The following MAP3K5 variants were observed in gnomAD, a reference collection of about 807,000 sequenced individuals.
The protein encoded by MAP3K5 is mitogen-activated protein kinase kinase kinase 5.
Under a neutral mutation model 158.7 loss-of-function variants are expected in MAP3K5, and 56 were observed. The ratio of observed to expected loss-of-function variants is 0.35; its 90% CI spans 0.28 to 0.44. MAP3K5 has a LOEUF of 0.44. MAP3K5 is among the 20% of genes least tolerant of loss of function. The pLI is 1.00. For missense variants in MAP3K5, 1,294 were observed against 1,674.8 expected (o/e 0.77, Z 3.97); for synonymous variants, 579 against 601.7 (o/e 0.96, Z 0.55).
chr6:136,704,606 T>C (rs1251029208), intron 3 of MAP3K5, among the ~76,000 whole-genome samples: 1 of 152,184 alleles, frequency 6.6e-6, no homozygotes, highest in Non-Finnish European at 1.5e-5. Context: ...AATGAAGTGG[T>C]ATGATCTTGG....
chr6:136,703,550 C>T (rs1234014898), intron 3 of MAP3K5, among the ~76,000 whole-genome samples: 2 of 152,286 alleles, frequency 1.3e-5, no homozygotes, highest in African/African-American at 2.4e-5. Context: ...TGGCGTGCAG[C>T]GCATGTCCAA....
At chr6:136,787,038 G>T (rs542219768) in intron 1 of MAP3K5, among the ~76,000 whole-genome samples, 1 of 152,024 alleles carries the variant, frequency 6.6e-6, no homozygotes, top group East Asian at 1.9e-4. Flanking sequence ...TGCTTACCCT[G>T]CCATTTCACT....
intron 18 of MAP3K5, 82 bp from the exon 19 acceptor site, chr6:136,605,448 CA>C: frequency 8.3e-7 from 1 of 1,198,768 alleles, no homozygotes; most frequent in Non-Finnish European, 1.2e-6. Context: ...CAGAATTTTT[CA>C]ACAGAAATGA....
At chr6:136,616,165 A>C (rs1163149809) in intron 15 of MAP3K5, among the ~76,000 whole-genome samples, 3 of 152,186 alleles carry the variant, frequency 2.0e-5, no homozygotes, top group Non-Finnish European at 2.9e-5. Context: ...TGCTTGAGTG[A>C]GATAACACCA....
chr6:136,784,375 A>G (rs1328425232), intron 1 of MAP3K5, among the ~76,000 whole-genome samples: 2 of 152,202 alleles, frequency 1.3e-5, no homozygotes, highest in African/African-American at 2.4e-5. Context: ...TTTTAAAAAA[A>G]TTATAGTTTT....
chr6:136,753,310 G>C lies in MAP3K5; in HGVS notation c.449-32721C>G, dbSNP rs776453910. Reference sequence around the variant, plus strand: ...TTTTCAAGTGAACACAGGAATTCCCGACTTTCTTTTACCACAAAAGTATAC... The same window carrying C: ...TTTTCAAGTGAACACAGGAATTCCCCACTTTCTTTTACCACAAAAGTATAC... On this transcript the variant is annotated intron_variant, in intron 1 of 29. Transcript: ENST00000359015. Among the ~76,000 whole-genome samples, 9 of 152,198 alleles carry C rather than the reference G, an allele frequency of 5.9e-5. No homozygotes were observed. The South Asian group carries it at 8.3e-4, about 14-fold the overall frequency.
At chr6:136,759,100 G>A (rs1298388176) in intron 1 of MAP3K5, among the ~76,000 whole-genome samples, 1 of 152,150 alleles carries the variant, frequency 6.6e-6, no homozygotes, top group East Asian at 1.9e-4. Flanking sequence ...GAACCTGGGA[G>A]GTGAAGGTTG....
At chr6:136,573,354 A>G (rs1001499949) in intron 25 of MAP3K5, among the ~76,000 whole-genome samples, 1 of 152,178 alleles carries the variant, frequency 6.6e-6, no homozygotes, top group African/African-American at 2.4e-5. Context: ...TTGGAGTCAG[A>G]CTGATTATAC....
intron 18 of MAP3K5, among the ~76,000 whole-genome samples, chr6:136,607,793 T>G (rs1776163970): frequency 6.6e-6 from 1 of 152,196 alleles, no homozygotes; most frequent in Admixed American, 6.5e-5. Context: ...TCTAGGCACT[T>G]AGAATACAGC....
At chr6:136,758,531 A>C (rs1783605365) in intron 1 of MAP3K5, among the ~76,000 whole-genome samples, 1 of 152,200 alleles carries the variant, frequency 6.6e-6, no homozygotes, top group East Asian at 1.9e-4. Context: ...CACCCCCTCA[A>C]CCACTTTCAA....
At chr6:136,597,788 C>T (rs906530537) in intron 21 of MAP3K5, among the ~76,000 whole-genome samples, 2 of 152,228 alleles carry the variant, frequency 1.3e-5, no homozygotes, top group Non-Finnish European at 2.9e-5. Context: ...ACTAAATAAA[C>T]CATCCTCACA....
intron 1 of MAP3K5, among the ~76,000 whole-genome samples, chr6:136,731,953 A>AAGTGGAG (rs1255106932): frequency 1.3e-5 from 2 of 152,222 alleles, no homozygotes; most frequent in Admixed American, 1.3e-4. Flanking sequence ...TTATTAGAAC[A>AAGTGGAG]AGTGGAGATT....
At chr6:136,677,528 T>C (rs1280633991) in intron 7 of MAP3K5, among the ~76,000 whole-genome samples, 2 of 152,150 alleles carry the variant, frequency 1.3e-5, no homozygotes, top group African/African-American at 4.8e-5. Context: ...GGCTTGCAAC[T>C]CCTGTTCATG....
intron 19 of MAP3K5, among the ~76,000 whole-genome samples, chr6:136,603,984 T>C (rs1775989583): frequency 6.6e-6 from 1 of 152,150 alleles, no homozygotes; most frequent in Admixed American, 6.5e-5. Context: ...GAATAAGAGC[T>C]AGAAACATGG....
Position 136,622,997 on chromosome 6 carries a change from CG to C in MAP3K5, c.2017-17del. The C allele has an allele frequency of 6.2e-7, 1 of 1,610,954 alleles. No homozygotes were observed. On this transcript the variant is annotated splice_polypyrimidine_tract_variant and intron_variant, in intron 14 of 29. Transcript: ENST00000359015. ...CATAGTCATACTACAAAAGGAAAAA[CG>C]GGGAGAAAAGATCAAAACATTAGTT...
intron 7 of MAP3K5, among the ~76,000 whole-genome samples, chr6:136,690,804 T>C (rs555300659): frequency 1.3e-5 from 2 of 152,328 alleles, no homozygotes; most frequent in South Asian, 2.1e-4. Context: ...TCCAGTGCTA[T>C]ATGCTTTTTC....
intron 11 of MAP3K5, among the ~76,000 whole-genome samples, chr6:136,648,195 G>A (rs940068287): frequency 1.3e-5 from 2 of 152,162 alleles, no homozygotes; most frequent in Non-Finnish European, 2.9e-5. Flanking sequence ...AGTATCACAA[G>A]TAACTTTTTC....
rs1006612270 is a variant in MAP3K5 at position 136,557,737 on chromosome 6, G to A, written c.*21C>T. ...TGTATTAATTTTTAGAATTTCCATC[G>A]AAGATTAGATTGAGCAACAGTCAAG... On this transcript the variant is annotated 3_prime_UTR_variant, in exon 30 of 30. Transcript: ENST00000359015. The A allele has an allele frequency of 6.3e-7, 1 of 1,588,476 alleles. No individual in the cohort carries two copies. Among genetic ancestry groups the A allele is most frequent in the Non-Finnish European group, 8.6e-7 (1 of 1,157,166 alleles).
intron 23 of MAP3K5, among the ~76,000 whole-genome samples, chr6:136,587,929 T>C (rs1395122606): frequency 4.6e-5 from 7 of 152,176 alleles, no homozygotes; most frequent in Non-Finnish European, 8.8e-5. Flanking sequence ...AGCACAGTCA[T>C]AGAAGTGATG....
Sources: gnomAD v4.1 joint callset for allele counts (sites outside exome capture counted in the v4.1 genomes callset) on GRCh38, gnomAD v4.1.1 for gene constraint, MANE v1.5 for transcripts, NCBI Gene and HGNC (gene_info 2026-07-23, HGNC 2026-07-21) for gene names.